SUPT3H: variants seen among roughly 807,000 people sequenced by gnomAD.
The protein encoded by SUPT3H is SPT3 homolog, SAGA and STAGA complex component, also known as transcription initiation protein SPT3 homolog.
SUPT3H carries 44 observed loss-of-function variants against 44.3 expected under a neutral mutation model. That is an observed-to-expected ratio of 0.99 (90% CI 0.78 to 1.28). The LOEUF (loss-of-function observed/expected upper bound fraction) is 1.28, where lower values mean the gene tolerates loss of function less well. Among genes scored for constraint, SUPT3H ranks in the 50% most tolerant of loss-of-function variants. SUPT3H has a pLI of 0.00. For synonymous variants in SUPT3H, 124 were observed against 125.6 expected (o/e 0.99, Z 0.09); for missense variants, 380 against 387.1 (o/e 0.98, Z 0.15).
At chr6:44,837,201 TAAC>T (rs1347357583) in intron 10 of SUPT3H, among the ~76,000 whole-genome samples, 1 of 152,184 alleles carries the variant, frequency 6.6e-6, no homozygotes. Flanking sequence ...GTAACCCAAA[TAAC>T]AATTGTTTGG....
intron 11 of SUPT3H, among the ~76,000 whole-genome samples, chr6:44,815,062 A>G (rs1476013899): frequency 1.3e-5 from 2 of 152,120 alleles, no homozygotes; most frequent in Admixed American, 6.6e-5. Flanking sequence ...AGAAGTATGT[A>G]CTTTATGAAC....
At chr6:45,003,850 C>T in intron 5 of SUPT3H, 58 bp from the exon 6 acceptor site, 11 of 1,558,746 alleles carry the variant, frequency 7.1e-6, no homozygotes, top group Non-Finnish European at 9.6e-6. Flanking sequence ...TACATCAGCA[C>T]TAATTATTAC....
intron 1 of SUPT3H, 37 bp from the exon 2 acceptor site, chr6:45,365,338 C>T (rs1794945967): frequency 2.2e-6 from 3 of 1,389,942 alleles, no homozygotes; most frequent in African/African-American, 1.4e-5. Flanking sequence ...ACAAAATGTA[C>T]CTAGCTATAA....
At position 44,838,136 on chromosome 6, in the gene SUPT3H, T is replaced by C. The variant is rs189952455; in HGVS notation, c.913-8279A>G. Among the ~76,000 whole-genome samples the C allele has an allele frequency of 2.2e-3, 329 of 152,354 alleles. 1 individual carries two copies. Among genetic ancestry groups the C allele is most frequent in the African/African-American group, 7.6e-3 (315 of 41,582 alleles). On this transcript the variant is annotated intron_variant, in intron 10 of 10. Transcript: ENST00000371459. Reference sequence around the variant, plus strand: ...ACAAAAATCAGGAGATGGTAGTTAATAATATCAATTACATTCGGTAGCCAC... The same window carrying C: ...ACAAAAATCAGGAGATGGTAGTTAACAATATCAATTACATTCGGTAGCCAC...
At chr6:44,810,704 G>A (rs371999747) in intron 11 of SUPT3H, among the ~76,000 whole-genome samples, 2 of 151,764 alleles carry the variant, frequency 1.3e-5, no homozygotes, top group African/African-American at 4.8e-5. Flanking sequence ...TCAGGAGATT[G>A]AGACCATCCT....
At chr6:45,233,490 T>C (rs974589705) in intron 2 of SUPT3H, among the ~76,000 whole-genome samples, 1 of 152,184 alleles carries the variant, frequency 6.6e-6, no homozygotes, top group Non-Finnish European at 1.5e-5. Context: ...TTTGTGAAGG[T>C]AGAGAAGCTC....
chr6:45,235,571 T>C (rs893339648), intron 2 of SUPT3H, among the ~76,000 whole-genome samples: 1 of 152,168 alleles, frequency 6.6e-6, no homozygotes, highest in Admixed American at 6.5e-5. Flanking sequence ...ATTGATTTAC[T>C]TTACAAACAC....
intron 5 of SUPT3H, among the ~76,000 whole-genome samples, chr6:45,004,974 C>T (rs1233760630): frequency 6.6e-6 from 1 of 152,074 alleles, no homozygotes; most frequent in Non-Finnish European, 1.5e-5. Flanking sequence ...TTTTGCTACC[C>T]AGGGGAAATG....
At chr6:45,197,756 A>T (rs1267680395) in intron 2 of SUPT3H, 1 of 187,982 alleles carries the variant, frequency 5.3e-6, no homozygotes, top group African/African-American at 2.4e-5. Context: ...ACAATGCATA[A>T]TGGTTTTACC....
intron 2 of SUPT3H, among the ~76,000 whole-genome samples, chr6:45,278,792 C>A (rs1390389534): frequency 6.6e-6 from 1 of 152,052 alleles, no homozygotes; most frequent in Non-Finnish European, 1.5e-5. Flanking sequence ...ACAGAACAAT[C>A]ATTTAAAAAA....
chr6:45,167,766 A>AGG (rs1810131197), intron 2 of SUPT3H, among the ~76,000 whole-genome samples: 1 of 151,850 alleles, frequency 6.6e-6, no homozygotes, highest in Non-Finnish European at 1.5e-5. Flanking sequence ...ATCTTCACTC[A>AGG]AGTTTTGACT....
chr6:44,956,975 A>G (rs1163553357), intron 7 of SUPT3H, among the ~76,000 whole-genome samples: 2 of 152,206 alleles, frequency 1.3e-5, no homozygotes, highest in African/African-American at 4.8e-5. Flanking sequence ...CCAAGCGCGT[A>G]TGTAACCTTT....
intron 3 of SUPT3H, among the ~76,000 whole-genome samples, chr6:45,050,947 T>C (rs566261330): frequency 2.1e-5 from 3 of 141,764 alleles, no homozygotes; most frequent in East Asian, 2.3e-4. Flanking sequence ...TGCAGTGGCA[T>C]GATCTCGACT....
chr6:45,206,135 C>T (rs994856649), intron 2 of SUPT3H, among the ~76,000 whole-genome samples: 3 of 152,016 alleles, frequency 2.0e-5, no homozygotes, highest in South Asian at 2.1e-4. Context: ...GTGAGAGATA[C>T]AATACTGAAC....
intron 9 of SUPT3H, among the ~76,000 whole-genome samples, chr6:44,945,026 C>T (rs686938): frequency 0.97 from 147,685 of 152,174 alleles, 71,690 homozygotes; most frequent in East Asian, 1. Flanking sequence ...AAAGCATATA[C>T]GTGTCCAACT....
chr6:45,138,276 T>C (rs1583771709), intron 2 of SUPT3H, among the ~76,000 whole-genome samples: 1 of 152,162 alleles, frequency 6.6e-6, no homozygotes, highest in South Asian at 2.1e-4. Flanking sequence ...TATAGCTATT[T>C]TGGAGAACAG....
intron 3 of SUPT3H, among the ~76,000 whole-genome samples, chr6:45,022,593 C>T (rs1016342565): frequency 1.3e-5 from 2 of 151,730 alleles, no homozygotes; most frequent in Non-Finnish European, 2.9e-5. Context: ...GCATTGGTAC[C>T]ACTCCCTTGT....
intron 2 of SUPT3H, among the ~76,000 whole-genome samples, chr6:45,351,173 CT>C (rs1339837186): frequency 6.6e-6 from 1 of 152,056 alleles, no homozygotes; most frequent in Non-Finnish European, 1.5e-5. Flanking sequence ...ACTGTAATAG[CT>C]GGTCACAGAA....
intron 10 of SUPT3H, among the ~76,000 whole-genome samples, chr6:44,910,954 C>T (rs568483015): frequency 8.6e-4 from 113 of 131,744 alleles, no homozygotes; most frequent in African/African-American, 3.1e-3. Context: ...GAGATCATGC[C>T]ACCGCACTCC....
Sources: allele counts gnomAD v4.1 joint callset (sites outside exome capture counted in the v4.1 genomes callset), GRCh38; gene constraint gnomAD v4.1.1; transcripts MANE v1.5; gene names NCBI Gene and HGNC (gene_info 2026-07-23, HGNC 2026-07-21).